MSTO1: variants seen among roughly 807,000 people sequenced by gnomAD.
MSTO1 encodes misato mitochondrial distribution and morphology regulator 1.
In MSTO1, 24 loss-of-function variants were observed where a neutral mutation model predicts 55.7. The ratio of observed to expected loss-of-function variants is 0.43; its 90% CI spans 0.31 to 0.61. The LOEUF is 0.61. Among genes scored for constraint, MSTO1 ranks in the 20% least tolerant of loss-of-function variants. The pLI, the probability that MSTO1 is intolerant of heterozygous loss-of-function variation, is 0.09. For synonymous variants in MSTO1, 162 were observed against 252.8 expected, an observed-to-expected ratio of 0.64 and a Z score of 3.41; for missense variants, 363 against 625.7, an observed-to-expected ratio of 0.58 and a Z score of 4.48.
At chr1:155,590,895 A>C in the MSTO1 span, 2 of 1,612,582 alleles carry the variant, frequency 1.2e-6, no homozygotes, top group Non-Finnish European at 1.7e-6. Context: ...TGACAAAGAC[A>C]ATCCCAGAGG....
upstream of MSTO1, chr1:155,609,745 A>G (rs901333233): frequency 9.8e-5 from 16 of 163,110 alleles, no homozygotes; most frequent in Admixed American, 8.2e-4. Flanking sequence ...AATGATAGAG[A>G]TATGATAGCT....
At chr1:155,609,234 TATA>T (rs1558249127), upstream of MSTO1, among the ~76,000 whole-genome samples, 3 of 51,088 alleles carry the variant, frequency 5.9e-5, no homozygotes, top group African/African-American at 6.1e-5. Flanking sequence ...TATATATATA[TATA>T]TATATATTTT....
At chr1:155,590,205 G>A in the MSTO1 span, among the ~76,000 whole-genome samples, 1 of 152,150 alleles carries the variant, frequency 6.6e-6, no homozygotes, top group South Asian at 2.1e-4. Context: ...GCCTGAGTAC[G>A]ATGGGGGGCA....
At chr1:155,581,446 C>T in the MSTO1 span, among the ~76,000 whole-genome samples, 1 of 152,024 alleles carries the variant, frequency 6.6e-6, no homozygotes, top group Non-Finnish European at 1.5e-5. Flanking sequence ...ACTCTGTCGA[C>T]CAGGCTGGAG....
chr1:155,582,008 T>G, the MSTO1 span, among the ~76,000 whole-genome samples: 4 of 149,166 alleles, frequency 2.7e-5, no homozygotes, highest in African/African-American at 7.4e-5. Context: ...CAGGCTGGAG[T>G]GCAATGGCAT....
In MSTO1 at chr1:155,612,465, C is replaced by T. The variant is rs777399476; in HGVS notation, c.861C>T (p.Leu287=). Reference sequence around the variant, plus strand: ...GTCTATTAAACACAGCTTTTGGTCTCGTGCACCTGACTGCTCACAGCTCTC... The same window carrying T: ...GTCTATTAAACACAGCTTTTGGTCTTGTGCACCTGACTGCTCACAGCTCTC... ...IYRLLNTAFG[L]VHLTAHSSLV... The change falls in exon 9 of 14, where the codon CTC becomes CTT. Residue 287 remains leucine, a synonymous_variant. Coordinates refer to ENST00000245564, the MANE Select transcript of MSTO1 (RefSeq NM_018116.4). 15 of 1,613,954 alleles carry T rather than the reference C, an allele frequency of 9.3e-6. No homozygotes were observed. Among genetic ancestry groups the T allele is most frequent in the South Asian group, 2.2e-5 (2 of 91,084 alleles).
the MSTO1 span, among the ~76,000 whole-genome samples, chr1:155,587,715 G>A: frequency 6.9e-6 from 1 of 145,158 alleles, no homozygotes; most frequent in African/African-American, 2.6e-5. Context: ...CTGCACTCCA[G>A]CCTGGGCGAC....
the MSTO1 span, chr1:155,563,401 A>G: frequency 6.6e-5 from 30 of 456,566 alleles, no homozygotes; most frequent in East Asian, 2.0e-3. Context: ...TCCAGGAGGT[A>G]GGGAGTGAGG....
chr1:155,568,056 T>A, the MSTO1 span, among the ~76,000 whole-genome samples: 1 of 38,110 alleles, frequency 2.6e-5, no homozygotes, highest in African/African-American at 4.4e-5. Flanking sequence ...AAAAAAATTA[T>A]TTATTTTATT....
rs61375216 is a variant in MSTO1, at chr1:155,613,211, A to G, written c.1261A>G (p.Ile421Val). The G allele has an allele frequency of 1.5e-3, 2,426 of 1,614,036 alleles. 33 individuals carry two copies. In the African/African-American group the frequency reaches 0.028, roughly 19 times the overall value. The part of the protein sequence containing the change: ...CFAQSVVLRG[I>V]DRACHTSQLT... Reference sequence around the variant, plus strand: ...TGCCCAGTCAGTGGTGCTGAGGGGTATAGACAGAGCATGCCACACAAGGTG... The same window carrying G: ...TGCCCAGTCAGTGGTGCTGAGGGGTGTAGACAGAGCATGCCACACAAGGTG... The change falls in exon 11 of 14, where the codon ATA becomes GTA. Residue 421 changes from isoleucine to valine, a missense_variant. Transcript: ENST00000245564.
the MSTO1 span, chr1:155,563,257 A>G: frequency 2.2e-6 from 1 of 456,540 alleles, no homozygotes; most frequent in African/African-American, 2.0e-5. Context: ...CAGTAGCAGG[A>G]CCGCTGCTGT....
the MSTO1 span, among the ~76,000 whole-genome samples, chr1:155,596,933 T>C: frequency 6.6e-6 from 1 of 152,018 alleles, no homozygotes; most frequent in Non-Finnish European, 1.5e-5. Context: ...CAAAACCTCA[T>C]CTCTATCCAA....
the MSTO1 span, among the ~76,000 whole-genome samples, chr1:155,604,591 G>A: frequency 6.6e-6 from 1 of 152,218 alleles, no homozygotes; most frequent in African/African-American, 2.4e-5. Flanking sequence ...GAAAATACTG[G>A]CTGGCAGGGC....
chr1:155,597,207 G>A, the MSTO1 span, among the ~76,000 whole-genome samples: 1 of 152,132 alleles, frequency 6.6e-6, no homozygotes, highest in African/African-American at 2.4e-5. Context: ...GGTGGCTGAC[G>A]CCTGTAATTG....
chr1:155,588,549 AATAGCCTGTG>A, the MSTO1 span, among the ~76,000 whole-genome samples: 1 of 152,184 alleles, frequency 6.6e-6, no homozygotes, highest in Non-Finnish European at 1.5e-5. Flanking sequence ...TACCTGAGGA[AATAGCCTGTG>A]AGGTTGCAAA....
At chr1:155,578,063 A>G in the MSTO1 span, among the ~76,000 whole-genome samples, 1 of 152,128 alleles carries the variant, frequency 6.6e-6, no homozygotes. Flanking sequence ...ATTTTGACCA[A>G]AAAGATTGCT....
chr1:155,590,638 C>A, the MSTO1 span: 1 of 1,406,406 alleles, frequency 7.1e-7, no homozygotes, highest in Non-Finnish European at 9.7e-7. Flanking sequence ...AGAGGTCCCC[C>A]GAGAGATGGC....
chr1:155,590,896 A>G, the MSTO1 span: 7 of 1,612,662 alleles, frequency 4.3e-6, no homozygotes, highest in East Asian at 1.3e-4. Flanking sequence ...GACAAAGACA[A>G]TCCCAGAGGT....
rs1407946283 is a variant in MSTO1, at chr1:155,614,929, G to A, written c.*656G>A. The stretch of plus-strand genomic sequence containing the variant: ...TTAGTAACATGTTAACATTTATGAA[G>A]CACTATATATTGATTTGCAAAATCT... On this transcript the variant is annotated 3_prime_UTR_variant, in exon 14 of 14. Transcript: ENST00000245564. 29 of 1,238,970 alleles carry A rather than the reference G, an allele frequency of 2.3e-5. No individual in the cohort carries two copies. Among genetic ancestry groups the A allele is most frequent in the Non-Finnish European group, 3.2e-5 (28 of 861,680 alleles). 76.7% of individuals were successfully genotyped at this position (1,238,970 alleles called of 1,614,324 possible). A position where few individuals can be genotyped will look rare whatever the true frequency, so the allele number is the denominator to read the frequency against.
Sources: gnomAD v4.1 joint callset for allele counts (sites outside exome capture counted in the v4.1 genomes callset) on GRCh38, gnomAD v4.1.1 for gene constraint, MANE v1.5 for transcripts, NCBI Gene and HGNC (gene_info 2026-07-23, HGNC 2026-07-21) for gene names.